TNFRSF13B: variants seen among roughly 807,000 people sequenced by gnomAD.
TNFRSF13B encodes tumor necrosis factor receptor superfamily member 13B.
A neutral mutation model predicts 24.0 loss-of-function variants in TNFRSF13B; 34 were observed. The ratio of observed to expected loss-of-function variants is 1.41; its 90% CI spans 1.08 to 1.88. The LOEUF (loss-of-function observed/expected upper bound fraction) is 1.88. Ranked by LOEUF, TNFRSF13B falls within the 40% of genes most tolerant of loss-of-function variation. The probability of loss-of-function intolerance (pLI) is 0.00; values close to 1 mark genes in which losing one functional copy is unlikely to be tolerated. For missense variants in TNFRSF13B, 415 were observed against 380.8 expected, an observed-to-expected ratio of 1.09 and a Z score of -0.75; for synonymous variants, 173 against 150.3, an observed-to-expected ratio of 1.15 and a Z score of -1.10.
intron 1 of TNFRSF13B, among the ~76,000 whole-genome samples, chr17:16,961,668 C>T (rs1017297459): frequency 3.3e-5 from 5 of 152,040 alleles, no homozygotes; most frequent in Non-Finnish European, 4.4e-5. Flanking sequence ...TGTGCATGTA[C>T]GTAATGCCAC....
chr17:16,947,234 C>G (rs1460458362), intron 3 of TNFRSF13B, among the ~76,000 whole-genome samples: 2 of 152,098 alleles, frequency 1.3e-5, no homozygotes, highest in East Asian at 3.8e-4. Flanking sequence ...ATGTAAGACC[C>G]TAAACTATAA....
chr17:16,943,547 G>A (rs2087526355), intron 3 of TNFRSF13B, among the ~76,000 whole-genome samples: 1 of 152,108 alleles, frequency 6.6e-6, no homozygotes, highest in African/African-American at 2.4e-5. Context: ...CAGGGCCCCT[G>A]CTGCTATCGC....
intron 3 of TNFRSF13B, chr17:16,941,187 C>A (rs2087507585): frequency 1.0e-6 from 1 of 978,194 alleles, no homozygotes. Context: ...CCTATCTTTT[C>A]TGAGTATTTT....
intron 1 of TNFRSF13B, among the ~76,000 whole-genome samples, chr17:16,963,123 T>C (rs1255298018): frequency 6.6e-6 from 1 of 152,188 alleles, no homozygotes; most frequent in Non-Finnish European, 1.5e-5. Context: ...CCCAGCGTCC[T>C]CCCCTGTAAG....
chr17:16,955,461 A>G (rs1046444115), intron 1 of TNFRSF13B, among the ~76,000 whole-genome samples: 1 of 152,262 alleles, frequency 6.6e-6, no homozygotes, highest in Non-Finnish European at 1.5e-5. Context: ...CAGAATAAAA[A>G]CATCAGTAGA....
Position 16,940,344 on chromosome 17 carries a change from G to A in TNFRSF13B, c.613C>T (p.Pro205Ser), listed in dbSNP as rs1021589406. 13 of 1,613,506 alleles carry A rather than the reference G, an allele frequency of 8.1e-6. No individual in the cohort carries two copies. In the African/African-American group the frequency reaches 1.6e-4, roughly 20 times the overall value. Reference sequence around the variant, plus strand: ...CACTCACCCTGGGAAGACTTGGCCGGACTTTGACGGGGCCTTGAGCGGGGC... The same window carrying A: ...CACTCACCCTGGGAAGACTTGGCCGAACTTTGACGGGGCCTTGAGCGGGGC... The part of the protein sequence containing the change: ...CQPRSRPRQS[P>S]AKSSQDHAME... The change falls in exon 4 of 5, where the codon CCG (proline) becomes TCG (serine). Residue 205 changes from proline to serine, a missense_variant. Transcript: ENST00000261652.
chr17:16,960,337 G>A (rs143501496), intron 1 of TNFRSF13B, among the ~76,000 whole-genome samples: 30 of 152,240 alleles, frequency 2.0e-4, no homozygotes, highest in African/African-American at 7.2e-4. Flanking sequence ...AACAAGGCCA[G>A]GATACACACA....
intron 2 of TNFRSF13B, among the ~76,000 whole-genome samples, chr17:16,950,659 C>T (rs1038224190): frequency 1.3e-5 from 2 of 152,136 alleles, no homozygotes; most frequent in African/African-American, 2.4e-5. Flanking sequence ...CTTTCTGTGA[C>T]CTCCTCCCCT....
At chr17:16,971,989 T>C (rs1421426252) in intron 1 of TNFRSF13B, 26 bp downstream of exon 1, 3 of 1,613,046 alleles carry the variant, frequency 1.9e-6, no homozygotes, top group Non-Finnish European at 1.7e-6. Flanking sequence ...CCACCTGCCC[T>C]CCTGCCCTCC....
chr17:16,953,053 C>T (rs188978318), intron 1 of TNFRSF13B, among the ~76,000 whole-genome samples: 2 of 152,346 alleles, frequency 1.3e-5, no homozygotes, highest in African/African-American at 2.4e-5. Flanking sequence ...AGGACACGGT[C>T]CTTCTTCTAC....
chr17:16,956,462 T>C (rs1184426499), intron 1 of TNFRSF13B, among the ~76,000 whole-genome samples: 2 of 152,174 alleles, frequency 1.3e-5, no homozygotes, highest in African/African-American at 4.8e-5. Context: ...TAGTCAAAGG[T>C]GTGAAATCAA....
chr17:16,963,114 C>T (rs567309170), intron 1 of TNFRSF13B, among the ~76,000 whole-genome samples: 1 of 152,154 alleles, frequency 6.6e-6, no homozygotes, highest in Non-Finnish European at 1.5e-5. Flanking sequence ...TCTTGGACAC[C>T]CAGCGTCCTC....
At chr17:16,956,733 G>T (rs1245233474) in intron 1 of TNFRSF13B, among the ~76,000 whole-genome samples, 2 of 152,188 alleles carry the variant, frequency 1.3e-5, no homozygotes, top group African/African-American at 4.8e-5. Flanking sequence ...AACCTCAAAT[G>T]CATATTACTA....
chr17:16,944,636 C>T (rs1226788873), intron 3 of TNFRSF13B, among the ~76,000 whole-genome samples: 1 of 152,174 alleles, frequency 6.6e-6, no homozygotes, highest in Non-Finnish European at 1.5e-5. Flanking sequence ...GTGGCTTGTC[C>T]ACTGCCTGGC....
rs1303214626 is a variant in TNFRSF13B at position 16,966,835 on chromosome 17, TTTTC to T, written c.61+5176_61+5179del. Among the ~76,000 whole-genome samples the T allele has an allele frequency of 4.0e-3, 234 of 57,898 alleles. 13 individuals are homozygous for T. The highest frequency in any genetic ancestry group is 0.028 in the Middle Eastern group (4 of 142). 38.0% of individuals were successfully genotyped at this position (57,898 alleles called of 152,430 possible). A position where few individuals can be genotyped will look rare whatever the true frequency, so the allele number is the denominator to read the frequency against. ...GTTTTTTTTGTTTTTTCTTTTTCTT[TTTTC>T]TTTTTTTTTTTTTTTTTGAGATGGA... On this transcript the variant is annotated intron_variant, in intron 1 of 4. Coordinates refer to ENST00000261652, the MANE Select transcript of TNFRSF13B (RefSeq NM_012452.3).
Position 16,939,447 on chromosome 17 carries a change from G to GTC in TNFRSF13B, c.*98_*99dup. ...GTTTCTCTCCCTCTCTGCCTCCTCT[G>GTC]TCTCTCTCTCCTCATATCTCTCTCC... On this transcript the variant is annotated 3_prime_UTR_variant, in exon 5 of 5. Transcript: ENST00000261652. 7.3e-7 allele frequency: 1 copy of GTC among 1,373,524 alleles called. No homozygotes were observed. The highest frequency in any genetic ancestry group is 9.8e-7 in the Non-Finnish European group (1 of 1,017,150). 85.1% of individuals were successfully genotyped at this position (1,373,524 alleles called of 1,614,324 possible).
At chr17:16,963,753 T>C (rs1390389366) in intron 1 of TNFRSF13B, among the ~76,000 whole-genome samples, 1 of 152,154 alleles carries the variant, frequency 6.6e-6, no homozygotes, top group Admixed American at 6.5e-5. Flanking sequence ...GGTTTCACCG[T>C]GTTAGCCAGG....
chr17:16,942,862 T>A (rs12938073), intron 3 of TNFRSF13B, among the ~76,000 whole-genome samples: 77,363 of 151,852 alleles, frequency 0.51, 20,351 homozygotes, highest in East Asian at 0.8. Flanking sequence ...CCTGTGGACC[T>A]TCTGGGCTGG....
chr17:16,965,929 C>A (rs1046577134), intron 1 of TNFRSF13B, among the ~76,000 whole-genome samples: 4 of 152,130 alleles, frequency 2.6e-5, no homozygotes, highest in Non-Finnish European at 2.9e-5. Flanking sequence ...AGACGCATAA[C>A]ATAGAATCCA....
Sources: allele counts gnomAD v4.1 joint callset (sites outside exome capture counted in the v4.1 genomes callset), GRCh38; gene constraint gnomAD v4.1.1; transcripts MANE v1.5; gene names NCBI Gene and HGNC (gene_info 2026-07-23, HGNC 2026-07-21).